MACROD2: variants seen among roughly 807,000 people sequenced by gnomAD.
MACROD2 encodes the protein ADP-ribose glycohydrolase MACROD2.
In MACROD2, 36 loss-of-function variants were observed where a neutral mutation model predicts 70.4. The observed-to-expected ratio is 0.51, with a 90% CI of 0.39 to 0.68. MACROD2 has a LOEUF of 0.68. Among genes scored for constraint, MACROD2 ranks in the 30% least tolerant of loss-of-function variants. MACROD2 has a pLI of 0.00. For synonymous variants in MACROD2, 172 were observed against 178.8 expected, an observed-to-expected ratio of 0.96 and a Z score of 0.30; for missense variants, 496 against 538.4, an observed-to-expected ratio of 0.92 and a Z score of 0.78.
intron 4 of MACROD2, among the ~76,000 whole-genome samples, chr20:14,673,150 G>A (rs6079523): frequency 6.6e-6 from 1 of 152,188 alleles, no homozygotes; most frequent in Non-Finnish European, 1.5e-5. Context: ...AGACTTTTAA[G>A]GGTGGGGACT....
chr20:14,824,545 A>C (rs2072881333), intron 5 of MACROD2, among the ~76,000 whole-genome samples: 1 of 152,068 alleles, frequency 6.6e-6, no homozygotes, highest in Non-Finnish European at 1.5e-5. Context: ...CTATGAAGTC[A>C]GTGCTGGCTG....
At chr20:14,614,472 G>C (rs552936495) in intron 4 of MACROD2, among the ~76,000 whole-genome samples, 1 of 152,188 alleles carries the variant, frequency 6.6e-6, no homozygotes, top group African/African-American at 2.4e-5. Context: ...AATTGCTGAG[G>C]TGATTCCAGT....
intron 5 of MACROD2, among the ~76,000 whole-genome samples, chr20:15,084,899 A>G (rs2075735285): frequency 6.6e-6 from 1 of 152,298 alleles, no homozygotes; most frequent in Admixed American, 6.5e-5. Flanking sequence ...CTGGCTTTGG[A>G]GAAATTAATA....
chr20:14,012,104 G>A (rs763052732), intron 2 of MACROD2, among the ~76,000 whole-genome samples: 16 of 151,674 alleles, frequency 1.1e-4, no homozygotes, highest in East Asian at 3.9e-4. Flanking sequence ...ATGGGGTTTC[G>A]CCACGTTGGC....
At chr20:15,860,444 C>A (rs1041556212) in intron 8 of MACROD2, among the ~76,000 whole-genome samples, 24 of 152,174 alleles carry the variant, frequency 1.6e-4, no homozygotes, top group African/African-American at 5.8e-4. Flanking sequence ...AAAAAGTCAA[C>A]AATCGTAGAT....
At position 14,499,460 on chromosome 20, in the gene MACROD2, G is replaced by T. The variant is rs905618147; in HGVS notation, c.301+5952G>T. On this transcript the variant is annotated intron_variant, in intron 4 of 17. Transcript: ENST00000684519. ...AGGTGGGAGGATCGCTTGAGCTCTG[G>T]ACGTTGAGGCTGCAGTGAGCCGTGA... Among the ~76,000 whole-genome samples, 3 of 152,006 alleles carry T rather than the reference G, an allele frequency of 2.0e-5. No homozygotes were observed. In the East Asian group the frequency reaches 5.8e-4, roughly 29 times the overall value.
intron 5 of MACROD2, among the ~76,000 whole-genome samples, chr20:15,165,130 C>T (rs2076374774): frequency 6.6e-6 from 1 of 151,838 alleles, no homozygotes; most frequent in South Asian, 2.1e-4. Flanking sequence ...TGAAAACAAG[C>T]GACAAAAACA....
rs1023924970 is a variant in MACROD2 at position 15,419,509 on chromosome 20, C to T, written c.541-11896C>T. Among the ~76,000 whole-genome samples, 5 of 152,270 alleles carry T rather than the reference C, an allele frequency of 3.3e-5. 1 individual carries two copies. On this transcript the variant is annotated intron_variant, in intron 6 of 17. Coordinates refer to ENST00000684519, the MANE Select transcript of MACROD2 (RefSeq NM_001351661.2). ...GTCCTCCAGAGCTCCTGCAATCAGCCCTGTGTTCTTGTTCCCGATTCCTGT... is the reference window on the plus strand; with the variant it reads ...GTCCTCCAGAGCTCCTGCAATCAGCTCTGTGTTCTTGTTCCCGATTCCTGT...
At chr20:14,472,969 C>T (rs1158786299) in intron 3 of MACROD2, among the ~76,000 whole-genome samples, 7 of 151,814 alleles carry the variant, frequency 4.6e-5, no homozygotes, top group Admixed American at 2.6e-4. Flanking sequence ...GAGGTAGATT[C>T]GGACTTTATA....
chr20:14,449,271 T>A (rs2084218854), intron 3 of MACROD2, among the ~76,000 whole-genome samples: 1 of 152,164 alleles, frequency 6.6e-6, no homozygotes, highest in Admixed American at 6.5e-5. Flanking sequence ...TGGTTCTTTG[T>A]AGACTTACTT....
chr20:15,206,747 T>TTTTTTTTTTTTTTTTTTTTTTAG (rs2076710188), intron 5 of MACROD2, among the ~76,000 whole-genome samples: 1 of 114,920 alleles, frequency 8.7e-6, no homozygotes, highest in Non-Finnish European at 1.8e-5. Context: ...TTTTTTTTTT[T>TTTTTTTTTTTTTTTTTTTTTTAG]GAGACGGAGT....
chr20:14,083,721 A>G (rs923843641), intron 2 of MACROD2, among the ~76,000 whole-genome samples: 1 of 152,104 alleles, frequency 6.6e-6, no homozygotes, highest in Non-Finnish European at 1.5e-5. Context: ...TGTCATTAAC[A>G]TACAAGTTGC....
chr20:14,521,511 A>C (rs1007370746), intron 4 of MACROD2, among the ~76,000 whole-genome samples: 1 of 152,168 alleles, frequency 6.6e-6, no homozygotes, highest in Non-Finnish European at 1.5e-5. Context: ...GACTGTAAGC[A>C]TTTGCACAGT....
chr20:15,980,396 C>T (rs1383680192), intron 13 of MACROD2, among the ~76,000 whole-genome samples: 1 of 152,154 alleles, frequency 6.6e-6, no homozygotes, highest in Non-Finnish European at 1.5e-5. Context: ...AGTTCTCACT[C>T]TTATTTTTGC....
intron 5 of MACROD2, among the ~76,000 whole-genome samples, chr20:15,073,914 A>T (rs1357534170): frequency 6.6e-6 from 1 of 152,162 alleles, no homozygotes; most frequent in Non-Finnish European, 1.5e-5. Flanking sequence ...AAAATGATGT[A>T]CTTTTAGAAT....
intron 2 of MACROD2, among the ~76,000 whole-genome samples, chr20:14,032,776 A>G (rs1292293759): frequency 6.6e-6 from 1 of 152,202 alleles, no homozygotes; most frequent in East Asian, 1.9e-4. Flanking sequence ...CTTTGGGAAT[A>G]TGCCTAATCT....
chr20:15,166,938 TTAATTTAAG>T (rs1353046444), intron 5 of MACROD2, among the ~76,000 whole-genome samples: 2 of 128,186 alleles, frequency 1.6e-5, no homozygotes, highest in Non-Finnish European at 3.6e-5. Context: ...ATTTAAGTAT[TTAATTTAAG>T]TATTAAATTA....
At chr20:14,095,138 A>G (rs1189325365) in intron 3 of MACROD2, among the ~76,000 whole-genome samples, 3 of 152,166 alleles carry the variant, frequency 2.0e-5, no homozygotes, top group Admixed American at 1.3e-4. Context: ...TTAGCTTTAT[A>G]CACTTCTGCT....
chr20:15,598,920 A>G (rs2048780444), intron 8 of MACROD2, among the ~76,000 whole-genome samples: 2 of 152,174 alleles, frequency 1.3e-5, no homozygotes. Context: ...TTTTAACTGG[A>G]AGCCCTAAGC....
Sources: allele counts gnomAD v4.1 joint callset (sites outside exome capture counted in the v4.1 genomes callset), GRCh38; gene constraint gnomAD v4.1.1; transcripts MANE v1.5; gene names NCBI Gene and HGNC (gene_info 2026-07-23, HGNC 2026-07-21).